The following ALPK3 variants were observed in gnomAD, a reference collection of about 807,000 sequenced individuals.
ALPK3 encodes alpha-protein kinase 3.
In ALPK3, 102 loss-of-function variants were observed where a neutral mutation model predicts 140.0. The observed-to-expected ratio is 0.73, with a 90% CI of 0.62 to 0.86. ALPK3 has a LOEUF of 0.86. Ranked by LOEUF, ALPK3 falls within the 40% of genes least tolerant of loss-of-function variation. The pLI is 0.00. For missense variants in ALPK3, 2,254 were observed against 2,208.2 expected (o/e 1.02, Z -0.42); for synonymous variants, 938 against 898.5 (o/e 1.04, Z -0.79).
chr15:84,867,362 G>C lies in ALPK3; in HGVS notation c.4769G>C (p.Arg1590Pro). Residue 1590 changes from arginine (R) to proline (P), a missense_variant, in exon 13 of 14, where the codon CGA becomes CCA. Transcript: ENST00000258888. ...MTDVQIATKLRGYQGLKESCF... is the reference protein window; with the variant it reads ...MTDVQIATKLPGYQGLKESCF... ...GATGTGCAGATTGCTACCAAACTCC[G>C]AGGGTGAGTGGTTCTTGGGGACAGA... 1.2e-6 allele frequency: 2 copies of C among 1,613,978 alleles called. No individual in the cohort carries two copies. The highest frequency in any genetic ancestry group is 1.7e-6 in the Non-Finnish European group (2 of 1,179,962).
At chr15:84,851,415 T>G (rs1963801656) in intron 5 of ALPK3, among the ~76,000 whole-genome samples, 2 of 152,218 alleles carry the variant, frequency 1.3e-5, no homozygotes, top group South Asian at 4.1e-4. Flanking sequence ...AGGGTTGATT[T>G]CCTTATATAT....
rs756803744 is a variant in ALPK3 at position 84,857,547 on chromosome 15, G to A, written c.2809G>A (p.Ala937Thr). The A allele has an allele frequency of 2.0e-5, 31 of 1,585,290 alleles. No homozygotes were observed. Among genetic ancestry groups the A allele is most frequent in the East Asian group, 6.7e-5 (3 of 44,594 alleles). Residue 937 changes from alanine to threonine, a missense_variant, in exon 6 of 14, where the codon GCC becomes ACC. Ala to Thr is a moderately conservative substitution (Grantham distance 58). This residue lies in a region of ALPK3 where 2,088 missense variants were observed against 2,022.9 expected (regional missense o/e 1.03). Coordinates refer to ENST00000258888, the MANE Select transcript of ALPK3 (RefSeq NM_020778.5). Reference sequence around the variant, plus strand: ...GGCCACCAGCAGTGAGGGGGCCTGCGCCCAGGTACCAGATGTGGAGGGGCG... The same window carrying A: ...GGCCACCAGCAGTGAGGGGGCCTGCACCCAGGTACCAGATGTGGAGGGGCG... ...TMATSSEGAC[A>T]QVPDVEGRTP...
chr15:84,839,919 C>T lies in ALPK3; in HGVS notation c.640C>T (p.Arg214Cys). Residue 214 changes from arginine (R) to cysteine (C), a missense_variant, in exon 5 of 14, where the codon CGC becomes TGC. Around this residue, in one of 3 missense-constraint regions of ALPK3, gnomAD observed 2,088 missense variants for 2,022.9 expected, o/e 1.03. Coordinates refer to ENST00000258888, the MANE Select transcript of ALPK3 (RefSeq NM_020778.5). ...KAVPGEVDTLRKLSPDRFQRK... is the reference protein window; with the variant it reads ...KAVPGEVDTLCKLSPDRFQRK... ...GGTGCCTGGGGAGGTCGACACTCTGCGCAAGCTCAGCCCCGACCGCTTCCA... is the reference window on the plus strand; with the variant it reads ...GGTGCCTGGGGAGGTCGACACTCTGTGCAAGCTCAGCCCCGACCGCTTCCA... 6.2e-7 allele frequency: 1 copy of T among 1,613,952 alleles called. No individual in the cohort carries two copies. The highest frequency in any genetic ancestry group is 1.1e-5 in the South Asian group (1 of 91,080).
Position 84,857,339 on chromosome 15 carries a change from G to A in ALPK3, c.2601G>A (p.Met867Ile). Residue 867 changes from methionine to isoleucine, a missense_variant, in exon 6 of 14, where the codon ATG becomes ATA. This residue lies in a region of ALPK3 where 2,088 missense variants were observed against 2,022.9 expected (regional missense o/e 1.03). Transcript: ENST00000258888. ...GCCTGAGCCAGGAGGTACCCACGAT[G>A]CCTTCTCTTCCTGGAACTGGGCTGA... The part of the protein sequence containing the change: ...LAGLSQEVPT[M>I]PSLPGTGLTA... 2 of 1,614,168 alleles carry A rather than the reference G, an allele frequency of 1.2e-6. No individual in the cohort carries two copies. The highest frequency in any genetic ancestry group is 1.7e-6 in the Non-Finnish European group (2 of 1,180,026).
chr15:84,839,148 G>A, intron 4 of ALPK3, 51 bp downstream of exon 4: 1 of 1,475,066 alleles, frequency 6.8e-7, no homozygotes, highest in South Asian at 1.2e-5. Flanking sequence ...AGGGCCCTCT[G>A]GCTGGGGTCC....
Position 84,857,614 on chromosome 15 carries a change from C to T in ALPK3, c.2876C>T (p.Ser959Phe), listed in dbSNP as rs889039861. 15 of 1,577,322 alleles carry T rather than the reference C, an allele frequency of 9.5e-6. No individual in the cohort carries two copies. The highest frequency in any genetic ancestry group is 1.3e-5 in the Non-Finnish European group (15 of 1,158,356). ...AGCTGTGACCCTGGCCTCATAGATT[C>T]CCTGAAGAACTACCTGCTTCTGCTG... The part of the protein sequence containing the change: ...PRSCDPGLID[S>F]LKNYLLLLLK... Residue 959 changes from serine to phenylalanine, a missense_variant, in exon 6 of 14, where the codon TCC becomes TTC. Around this residue, in one of 3 missense-constraint regions of ALPK3, gnomAD observed 2,088 missense variants for 2,022.9 expected, o/e 1.03. Coordinates refer to ENST00000258888, the MANE Select transcript of ALPK3 (RefSeq NM_020778.5).
chr15:84,856,981 G>C lies in ALPK3; in HGVS notation c.2243G>C (p.Arg748Thr), dbSNP rs1482532723. The C allele has an allele frequency of 2.5e-6, 4 of 1,614,144 alleles. No homozygotes were observed. Among genetic ancestry groups the C allele is most frequent in the Non-Finnish European group, 3.4e-6 (4 of 1,180,030 alleles). Residue 748 changes from arginine (R) to threonine (T), a missense_variant, in exon 6 of 14, where the codon AGA becomes ACA. Arg to Thr is a moderately conservative substitution (Grantham distance 71). Around this residue, in one of 3 missense-constraint regions of ALPK3, gnomAD observed 2,088 missense variants for 2,022.9 expected, o/e 1.03. Transcript: ENST00000258888. ...AAACTCCCACCTACAGCGGGTCCTA[G>C]AGCTCCTCTGAATATTGAATGTTTT... ...TPKLPPTAGP[R>T]APLNIECFVQ...
intron 5 of ALPK3, among the ~76,000 whole-genome samples, chr15:84,850,869 G>A (rs1963794199): frequency 9.5e-6 from 1 of 105,070 alleles, no homozygotes; most frequent in Non-Finnish European, 2.3e-5. Context: ...TCTTTACACA[G>A]TTCCAGATAT....
At chr15:84,820,280 C>G (rs1044666115) in intron 1 of ALPK3, among the ~76,000 whole-genome samples, 1 of 152,112 alleles carries the variant, frequency 6.6e-6, no homozygotes, top group Non-Finnish European at 1.5e-5. Context: ...CTACAGACAG[C>G]TTTGAAACAA....
chr15:84,841,014 A>G, intron 5 of ALPK3, 82 bp downstream of exon 5: 1 of 1,454,122 alleles, frequency 6.9e-7, no homozygotes. Context: ...CTGGGCAGCC[A>G]GTGAGCAGTG....
intron 5 of ALPK3, among the ~76,000 whole-genome samples, chr15:84,843,867 G>A (rs555954695): frequency 6.6e-6 from 1 of 152,168 alleles, no homozygotes; most frequent in South Asian, 2.1e-4. Context: ...GGCTGAGGTG[G>A]GCAGATCACT....
Position 84,867,385 on chromosome 15 carries a change from A to G in ALPK3, c.4772+20A>G. ...CCGAGGGTGAGTGGTTCTTGGGGAC[A>G]GAATGCCCTCTGGGCGTCTTCTCAG... is the stretch of plus-strand genomic sequence containing the variant. On this transcript the variant is annotated intron_variant, in intron 13 of 13. Coordinates refer to ENST00000258888, the MANE Select transcript of ALPK3 (RefSeq NM_020778.5). 1.2e-6 allele frequency: 2 copies of G among 1,613,700 alleles called. No individual in the cohort carries two copies. The highest frequency in any genetic ancestry group is 2.2e-5 in the East Asian group (1 of 44,762).
At chr15:84,865,955 G>A (rs981505198) in intron 12 of ALPK3, among the ~76,000 whole-genome samples, 5 of 152,048 alleles carry the variant, frequency 3.3e-5, no homozygotes, top group Non-Finnish European at 5.9e-5. Context: ...AAATAATAAA[G>A]AAAAAAATAA....
chr15:84,841,455 C>T lies in ALPK3; in HGVS notation c.1653+523C>T, dbSNP rs576604001. On this transcript the variant is annotated intron_variant, in intron 5 of 13. Coordinates refer to ENST00000258888, the MANE Select transcript of ALPK3 (RefSeq NM_020778.5). ...TGCAAATCTGACTGCCTTAACATGG[C>T]GTGATCTAGAGCAAGTTGTAAAACT... is the stretch of plus-strand genomic sequence containing the variant. 2.8e-4 allele frequency among the ~76,000 whole-genome samples: 43 copies of T among 152,166 alleles called. 1 individual carries two copies. The highest frequency in any genetic ancestry group is 1.0e-3 in the African/African-American group (42 of 41,430).
chr15:84,856,260 C>A, intron 5 of ALPK3, 132 bp from the exon 6 acceptor site: 2 of 1,321,750 alleles, frequency 1.5e-6, no homozygotes, highest in Non-Finnish European at 2.1e-6. Flanking sequence ...TTCCAGCAGG[C>A]CTGAGAAACC....
At chr15:84,850,453 A>G (rs907000272) in intron 5 of ALPK3, among the ~76,000 whole-genome samples, 1 of 152,110 alleles carries the variant, frequency 6.6e-6, no homozygotes, top group Non-Finnish European at 1.5e-5. Context: ...TCATAATCAT[A>G]GCTTACTGCA....
At chr15:84,868,021 C>T (rs1036784294) in intron 13 of ALPK3, 90 bp from the exon 14 acceptor site, 1 of 1,322,130 alleles carries the variant, frequency 7.6e-7, no homozygotes, top group African/African-American at 1.5e-5. Context: ...CTGAGCACGA[C>T]ATCCTGATGA....
intron 12 of ALPK3, among the ~76,000 whole-genome samples, chr15:84,865,710 G>A (rs886551948): frequency 7.2e-5 from 11 of 152,218 alleles, no homozygotes; most frequent in Admixed American, 7.2e-4. Flanking sequence ...TGTAATCCCA[G>A]CACTTTGGGA....
intron 5 of ALPK3, among the ~76,000 whole-genome samples, chr15:84,854,041 A>G (rs1453188254): frequency 6.6e-6 from 1 of 151,974 alleles, no homozygotes; most frequent in Middle Eastern, 3.2e-3. Flanking sequence ...GAAAATTCCT[A>G]ATTTAGTAAA....
Sources: gnomAD v4.1 joint callset for allele counts (sites outside exome capture counted in the v4.1 genomes callset) on GRCh38, gnomAD v4.1.1 for gene constraint, gnomAD v4.1.1 regional missense constraint, MANE v1.5 for transcripts, NCBI Gene and HGNC (gene_info 2026-07-23, HGNC 2026-07-21) for gene names.